SMIM35: variants seen among roughly 807,000 people sequenced by gnomAD.
SMIM35 encodes TMPRSS4 antisense RNA 1 (non-protein coding).
intron 1 of SMIM35, among the ~76,000 whole-genome samples, chr11:118,048,544 AGGAAGGAAG>A (rs1944142437): frequency 6.1e-5 from 1 of 16,420 alleles, no homozygotes; most frequent in African/African-American, 1.3e-4. Context: ...GAAAGAAGGA[AGGAAGGAAG>A]GAAGGAAGGA....
At chr11:118,053,211 G>A (rs139473244) in intron 1 of SMIM35, among the ~76,000 whole-genome samples, 175 of 152,230 alleles carry the variant, frequency 1.1e-3, no homozygotes, top group African/African-American at 3.8e-3. Flanking sequence ...GGGAGGCTGA[G>A]GCCAGAGAAT....
At chr11:118,046,895 A>T (rs1029679092) in intron 1 of SMIM35, among the ~76,000 whole-genome samples, 1 of 152,218 alleles carries the variant, frequency 6.6e-6, no homozygotes, top group Non-Finnish European at 1.5e-5. Flanking sequence ...AGAAAGTGAG[A>T]GTCATACTGA....
chr11:118,066,507 G>C (rs1944476426), intron 1 of SMIM35, among the ~76,000 whole-genome samples: 1 of 152,106 alleles, frequency 6.6e-6, no homozygotes, highest in Non-Finnish European at 1.5e-5. Flanking sequence ...GGTCTCCAAA[G>C]TTCTTTGATC....
chr11:118,044,988 C>T (rs188455048), intron 1 of SMIM35, among the ~76,000 whole-genome samples: 13 of 152,138 alleles, frequency 8.5e-5, no homozygotes, highest in African/African-American at 2.9e-4. Context: ...ACACATCAAA[C>T]AAAATCAGAA....
chr11:118,064,743 G>A (rs563466448), intron 1 of SMIM35, among the ~76,000 whole-genome samples: 26 of 149,524 alleles, frequency 1.7e-4, no homozygotes, highest in East Asian at 7.9e-4. Context: ...TCCCGGGTCC[G>A]AGCCATCCTC....
intron 1 of SMIM35, among the ~76,000 whole-genome samples, chr11:118,057,250 T>C (rs1226131030): frequency 1.3e-5 from 2 of 152,100 alleles, no homozygotes; most frequent in Non-Finnish European, 1.5e-5. Context: ...GAAACCAAAG[T>C]GCACTCAGGA....
intron 1 of SMIM35, among the ~76,000 whole-genome samples, chr11:118,072,973 T>C (rs1000273430): frequency 6.6e-6 from 1 of 152,248 alleles, no homozygotes; most frequent in Non-Finnish European, 1.5e-5. Context: ...CAGGCTGGAG[T>C]GCAGTGGCAA....
chr11:118,030,998 T>C (rs1332166392), intron 1 of SMIM35, among the ~76,000 whole-genome samples: 1 of 152,036 alleles, frequency 6.6e-6, no homozygotes, highest in Non-Finnish European at 1.5e-5. Flanking sequence ...TGGATATTGA[T>C]TGATACTGAT....
At chr11:118,072,646 G>T (rs754262474) in intron 1 of SMIM35, among the ~76,000 whole-genome samples, 13 of 152,304 alleles carry the variant, frequency 8.5e-5, no homozygotes, top group South Asian at 4.1e-4. Flanking sequence ...ATGAAAAAAG[G>T]TTTCCAAACC....
intron 1 of SMIM35, among the ~76,000 whole-genome samples, chr11:118,070,313 A>C (rs944408463): frequency 6.6e-6 from 1 of 152,050 alleles, no homozygotes; most frequent in Non-Finnish European, 1.5e-5. Context: ...AGTAACTGGG[A>C]TTACAGGCAC....
chr11:118,066,626 A>T (rs1301254199), intron 1 of SMIM35, among the ~76,000 whole-genome samples: 4 of 152,116 alleles, frequency 2.6e-5, no homozygotes, highest in African/African-American at 9.7e-5. Flanking sequence ...GGCATAATAC[A>T]CCCTGAAAGA....
At chr11:118,069,808 T>C (rs1296894435) in intron 1 of SMIM35, among the ~76,000 whole-genome samples, 1 of 152,138 alleles carries the variant, frequency 6.6e-6, no homozygotes, top group Non-Finnish European at 1.5e-5. Flanking sequence ...GTGCCTGTAA[T>C]CCCAACACTT....
chr11:118,061,667 T>C (rs1201086424), intron 1 of SMIM35, among the ~76,000 whole-genome samples: 3 of 152,120 alleles, frequency 2.0e-5, no homozygotes, highest in Non-Finnish European at 2.9e-5. Context: ...CCTGCTTATG[T>C]TCCCCACAGC....
At chr11:118,008,928 G>A (rs760704372) in intron 4 of SMIM35, among the ~76,000 whole-genome samples, 13 of 152,318 alleles carry the variant, frequency 8.5e-5, no homozygotes, top group Non-Finnish European at 1.2e-4. Context: ...TGGAAGCAGC[G>A]TGAATAAATG....
intron 1 of SMIM35, among the ~76,000 whole-genome samples, chr11:118,080,564 C>T (rs1240807995): frequency 6.6e-6 from 1 of 152,186 alleles, no homozygotes; most frequent in African/African-American, 2.4e-5. Flanking sequence ...GGCCTCTCTC[C>T]TCCTCTCAGT....
chr11:118,025,013 TGTG>T (rs1357875896), intron 1 of SMIM35, among the ~76,000 whole-genome samples: 1 of 152,168 alleles, frequency 6.6e-6, no homozygotes, highest in Non-Finnish European at 1.5e-5. Flanking sequence ...ACGGAAAACA[TGTG>T]GTATTTGGTT....
chr11:118,080,922 T>TTCCC (rs1945077436), intron 1 of SMIM35, among the ~76,000 whole-genome samples: 1 of 152,204 alleles, frequency 6.6e-6, no homozygotes, highest in Non-Finnish European at 1.5e-5. Flanking sequence ...CAAGCAAGGA[T>TTCCC]TCCCTGGGAC....
chr11:118,056,805 C>T (rs1944317604), intron 1 of SMIM35, among the ~76,000 whole-genome samples: 1 of 152,132 alleles, frequency 6.6e-6, no homozygotes, highest in Non-Finnish European at 1.5e-5. Flanking sequence ...AGAAGGCAAG[C>T]GAGATCATTT....
At chr11:118,027,016 C>CTTTTT (rs60864416) in intron 1 of SMIM35, among the ~76,000 whole-genome samples, 30 of 93,252 alleles carry the variant, frequency 3.2e-4, no homozygotes, top group African/African-American at 4.6e-4. Context: ...ACCACCACCA[C>CTTTTT]TTTTTTTTTT....
Sources: gnomAD v4.1 joint callset for allele counts (sites outside exome capture counted in the v4.1 genomes callset) on GRCh38, gnomAD v4.1.1 for gene constraint, MANE v1.5 for transcripts, NCBI Gene and HGNC (gene_info 2026-07-23, HGNC 2026-07-21) for gene names.